Variants in LRRC43 observed in about 807,000 individuals in gnomAD.
The protein encoded by LRRC43 is leucine-rich repeat-containing protein 43.
Under a neutral mutation model 64.3 loss-of-function variants are expected in LRRC43, and 62 were observed. That is an observed-to-expected ratio of 0.96 (90% confidence interval 0.79 to 1.19). The LOEUF is 1.19. LRRC43 is among the 50% of genes most tolerant of loss of function. The pLI, the probability that LRRC43 is intolerant of heterozygous loss-of-function variation, is 0.00. For missense variants in LRRC43, 868 were observed against 845.0 expected, an observed-to-expected ratio of 1.03 and a Z score of -0.34; for synonymous variants, 422 against 382.3, an observed-to-expected ratio of 1.10 and a Z score of -1.21.
chr12:122,193,648 T>C (rs895818579), intron 7 of LRRC43, among the ~76,000 whole-genome samples: 2 of 152,150 alleles, frequency 1.3e-5, no homozygotes, highest in African/African-American at 2.4e-5. Flanking sequence ...TACTGCATCC[T>C]CCATCTCCCG....
intron 1 of LRRC43, among the ~76,000 whole-genome samples, chr12:122,176,043 G>T (rs978560613): frequency 1.3e-5 from 2 of 152,230 alleles, no homozygotes; most frequent in Non-Finnish European, 2.9e-5. Context: ...AGAAGTTAGA[G>T]TTCCTGCCCT....
At chr12:122,177,523 TAGAA>T (rs1953547376) in intron 1 of LRRC43, among the ~76,000 whole-genome samples, 1 of 129,558 alleles carries the variant, frequency 7.7e-6, no homozygotes, top group Non-Finnish European at 1.8e-5. Context: ...GTGTGTTTAA[TAGAA>T]AGGATCTTGC....
chr12:122,183,921 AG>A (rs1953610754), intron 1 of LRRC43, among the ~76,000 whole-genome samples: 1 of 150,320 alleles, frequency 6.7e-6, no homozygotes, highest in South Asian at 2.1e-4. Context: ...TTGTATTTTT[AG>A]TAGAGACAGG....
chr12:122,187,941 G>C lies in LRRC43; in HGVS notation c.662+101G>C, dbSNP rs1030749995. The C allele has an allele frequency of 2.5e-6, 3 of 1,188,034 alleles. No individual in the cohort carries two copies. The African/African-American group carries it at 4.6e-5, about 18-fold the overall frequency. The allele number at this position is 1,188,034 out of a possible 1,614,324, so 73.6% of individuals were successfully genotyped here. Reference sequence around the variant, plus strand: ...TGAGAACTCAGCTTTGGTCTTTTTTGTAACTCCCAGTTGGCTGCTAAATCC... The same window carrying C: ...TGAGAACTCAGCTTTGGTCTTTTTTCTAACTCCCAGTTGGCTGCTAAATCC... On this transcript the variant is annotated intron_variant, in intron 4 of 11. Coordinates refer to ENST00000339777, the MANE Select transcript of LRRC43 (RefSeq NM_001098519.2).
chr12:122,188,292 A>G (rs1053394883), intron 4 of LRRC43, among the ~76,000 whole-genome samples: 5 of 151,852 alleles, frequency 3.3e-5, no homozygotes, highest in African/African-American at 1.2e-4. Flanking sequence ...TATTTTTAGT[A>G]GAGACGGGGT....
Position 122,201,332 on chromosome 12 carries a change from G to T in LRRC43, c.1843+3G>T. On this transcript the variant is annotated splice_donor_region_variant and intron_variant, in intron 11 of 11. Coordinates refer to ENST00000339777, the MANE Select transcript of LRRC43 (RefSeq NM_001098519.2). ...GATTAAGAAAGTTGCCAAAAAAGGT[G>T]AGTGCCGATGGTGGTGACCAAAGGC... The T allele has an allele frequency of 6.2e-7, 1 of 1,614,048 alleles. No homozygotes were observed. Among genetic ancestry groups the T allele is most frequent in the South Asian group, 1.1e-5 (1 of 91,082 alleles).
intron 1 of LRRC43, among the ~76,000 whole-genome samples, chr12:122,168,260 G>A (rs914601580): frequency 6.6e-6 from 1 of 151,308 alleles, no homozygotes; most frequent in African/African-American, 2.4e-5. Flanking sequence ...GGCCAACCTG[G>A]TGAAACCCCA....
chr12:122,199,917 C>A (rs1390792384), intron 7 of LRRC43, among the ~76,000 whole-genome samples: 1 of 152,202 alleles, frequency 6.6e-6, no homozygotes, highest in Non-Finnish European at 1.5e-5. Flanking sequence ...ACTCTTGCTG[C>A]CTTTCGGTTG....
intron 1 of LRRC43, among the ~76,000 whole-genome samples, chr12:122,177,513 GTGTGTT>G (rs1375895088): frequency 1.2e-4 from 17 of 143,188 alleles, no homozygotes; most frequent in African/African-American, 4.1e-4. Context: ...GTGTGTGTGT[GTGTGTT>G]TAATAGAAAG....
chr12:122,174,001 A>G, intron 1 of LRRC43: 1 of 1,613,962 alleles, frequency 6.2e-7, no homozygotes, highest in Non-Finnish European at 8.5e-7. Context: ...GCCTGGAGAG[A>G]GAACGATGCC....
At chr12:122,172,087 A>C (rs1953489964) in intron 1 of LRRC43, 1 of 200,836 alleles carries the variant, frequency 5.0e-6, no homozygotes, top group Non-Finnish European at 1.0e-5. Context: ...CCCAGGGAGC[A>C]TTGACAACTC....
At chr12:122,176,934 C>G (rs1451451516) in intron 1 of LRRC43, among the ~76,000 whole-genome samples, 1 of 152,092 alleles carries the variant, frequency 6.6e-6, no homozygotes, top group Non-Finnish European at 1.5e-5. Context: ...CCCTCCCACC[C>G]ATCATCCCAA....
chr12:122,190,416 C>T (rs1219480120), intron 5 of LRRC43, 48 bp downstream of exon 5: 3 of 1,469,320 alleles, frequency 2.0e-6, no homozygotes, highest in Middle Eastern at 1.8e-4. Flanking sequence ...ACACCCCAGC[C>T]TGCGCCTGGC....
intron 11 of LRRC43, 78 bp from the exon 12 acceptor site, chr12:122,203,237 T>A: frequency 6.5e-7 from 1 of 1,539,484 alleles, no homozygotes; most frequent in Non-Finnish European, 8.8e-7. Context: ...AGGGCTTGCA[T>A]ATGGGATGGG....
chr12:122,191,354 C>A, intron 5 of LRRC43, 26 bp from the exon 6 acceptor site: 1 of 1,587,998 alleles, frequency 6.3e-7, no homozygotes, highest in South Asian at 1.1e-5. Flanking sequence ...CATGGGCCCC[C>A]CTGTCCTGCC....
At chr12:122,202,968 T>G (rs1263835748) in intron 11 of LRRC43, among the ~76,000 whole-genome samples, 3 of 152,036 alleles carry the variant, frequency 2.0e-5, no homozygotes, top group African/African-American at 7.2e-5. Context: ...GACAGGCGCC[T>G]GTAATCCCAG....
At chr12:122,182,948 C>T (rs1202639342), upstream of LRRC43, 27 of 814,992 alleles carry the variant, frequency 3.3e-5, no homozygotes, top group African/African-American at 1.3e-4. Flanking sequence ...TTACTGCCTG[C>T]GGGAGCTGCC....
rs1953717945 is a variant in LRRC43 at position 122,191,499 on chromosome 12, T to C, written c.1021T>C (p.Tyr341His). 1.2e-6 allele frequency: 2 copies of C among 1,614,120 alleles called. No individual in the cohort carries two copies. ...PEGPFITYNY[Y>H]VTYDFVKDEE... ...AGGCCCTTTCATCACTTACAACTAT[T>C]ACGTGACCTATGATTTTGTGAAAGA... is the stretch of plus-strand genomic sequence containing the variant. Residue 341 changes from tyrosine (Y) to histidine (H), a missense_variant, in exon 6 of 12, where the codon TAC (tyrosine) becomes CAC (histidine). Tyr to His is a moderately conservative substitution (Grantham distance 83, BLOSUM62 2). Coordinates refer to ENST00000339777, the MANE Select transcript of LRRC43 (RefSeq NM_001098519.2).
intron 7 of LRRC43, among the ~76,000 whole-genome samples, chr12:122,193,991 G>A (rs1044759227): frequency 1.3e-5 from 2 of 152,122 alleles, no homozygotes; most frequent in Non-Finnish European, 2.9e-5. Context: ...AGTGCTGTAA[G>A]GATCTTCCAT....
Sources: gnomAD v4.1 joint callset for allele counts (sites outside exome capture counted in the v4.1 genomes callset) on GRCh38, gnomAD v4.1.1 for gene constraint, MANE v1.5 for transcripts, NCBI Gene and HGNC (gene_info 2026-07-23, HGNC 2026-07-21) for gene names.